CALR: variants seen among roughly 807,000 people sequenced by gnomAD.
CALR encodes the protein calreticulin, also known as CRP55.
CALR carries 15 observed loss-of-function variants against 51.1 expected under a neutral mutation model. That is an observed-to-expected ratio of 0.29 (90% confidence interval 0.20 to 0.45). The LOEUF (loss-of-function observed/expected upper bound fraction) is 0.45, where lower values mean the gene tolerates loss of function less well. CALR is among the 20% of genes least tolerant of loss of function. The pLI is 1.00. For missense variants in CALR, 477 were observed against 530.6 expected, an observed-to-expected ratio of 0.90 and a Z score of 0.99; for synonymous variants, 239 against 205.9, an observed-to-expected ratio of 1.16 and a Z score of -1.38.
At position 12,943,748 on chromosome 19, in the gene CALR, G is replaced by A. The variant is rs766065209; in HGVS notation, c.1089G>A (p.Glu363=). The A allele has an allele frequency of 8.2e-5, 132 of 1,612,714 alleles. No homozygotes were observed. Among genetic ancestry groups the A allele is most frequent in the Non-Finnish European group, 1.0e-4 (119 of 1,179,412 alleles). ...AEKQMKDKQD[E]EQRLKEEEED... ...AACAAATGAAGGACAAACAGGACGA[G>A]GAGCAGAGGCTTAAGGAGGAGGAAG... The change falls in exon 9 of 9, where the codon GAG becomes GAA. Residue 363 remains glutamate, a synonymous_variant. Transcript: ENST00000316448.
At chr19:12,939,036 C>T in intron 1 of CALR, 98 bp from the exon 2 acceptor site, 4 of 794,862 alleles carry the variant, frequency 5.0e-6, no homozygotes, top group South Asian at 1.5e-5. Context: ...CGGGGATCTC[C>T]TTTCCTGTCC....
chr19:12,942,860 G>GA, intron 7 of CALR, among the ~76,000 whole-genome samples: 1 of 151,302 alleles, frequency 6.6e-6, no homozygotes, highest in East Asian at 1.9e-4. Context: ...AGATTCAAGC[G>GA]ATTCTCCTGC....
chr19:12,944,060 C>A lies in CALR; in HGVS notation c.*147C>A. On this transcript the variant is annotated 3_prime_UTR_variant, in exon 9 of 9. Coordinates refer to ENST00000316448, the MANE Select transcript of CALR (RefSeq NM_004343.4). ...GGGTGGATTTTGGTTTTGTTCCCCT[C>A]CTCCACTCTCCCCCACCCCCTCCCC... The A allele has an allele frequency of 7.5e-7, 1 of 1,327,128 alleles. No homozygotes were observed. Among genetic ancestry groups the A allele is most frequent in the African/African-American group, 1.5e-5 (1 of 67,990 alleles). 82.2% of individuals were successfully genotyped at this position (1,327,128 alleles called of 1,614,324 possible).
chr19:12,939,993 G>T (rs1257529591), intron 3 of CALR, 60 bp from the exon 4 acceptor site: 21 of 1,192,234 alleles, frequency 1.8e-5, no homozygotes, highest in Non-Finnish European at 2.5e-5. Flanking sequence ...ATAAAGAGGG[G>T]TGAGAGCCTC....
At chr19:12,941,097 T>C (rs1289172571) in intron 7 of CALR, among the ~76,000 whole-genome samples, 2 of 152,152 alleles carry the variant, frequency 1.3e-5, no homozygotes, top group Non-Finnish European at 2.9e-5. Flanking sequence ...CCCCAAGTAC[T>C]TTTATGCAAA....
chr19:12,943,552 A>G lies in CALR; in HGVS notation c.976A>G (p.Ile326Val), dbSNP rs748221094. ...LDLWQVKSGT[I>V]FDNFLITNDE... ...CATCCTCCAGGTCAAGTCTGGCACC[A>G]TCTTTGACAACTTCCTCATCACCAA... The change falls in exon 8 of 9, where the codon ATC becomes GTC. Residue 326 changes from isoleucine to valine, a missense_variant. Ile to Val is a conservative substitution (Grantham distance 29). Coordinates refer to ENST00000316448, the MANE Select transcript of CALR (RefSeq NM_004343.4). 1 of 1,614,158 alleles carries G rather than the reference A, an allele frequency of 6.2e-7. No individual in the cohort carries two copies. The highest frequency in any genetic ancestry group is 2.2e-5 in the East Asian group (1 of 44,882).
chr19:12,938,878 T>C (rs2146011529), intron 1 of CALR, 108 bp downstream of exon 1: 1 of 915,796 alleles, frequency 1.1e-6, no homozygotes, highest in Non-Finnish European at 1.8e-6. Context: ...CACGGTGGCC[T>C]CCCGGGACTA....
rs1228790764 is a variant in CALR at position 12,939,448 on chromosome 19, G to A, written c.214G>A (p.Ala72Thr). 6.2e-7 allele frequency: 1 copy of A among 1,612,324 alleles called. No individual in the cohort carries two copies. Among genetic ancestry groups the A allele is most frequent in the Non-Finnish European group, 8.5e-7 (1 of 1,180,032 alleles). Residue 72 changes from alanine (A) to threonine (T), a missense_variant, in exon 3 of 9, where the codon GCA (alanine) becomes ACA (threonine). Coordinates refer to ENST00000316448, the MANE Select transcript of CALR (RefSeq NM_004343.4). ...CTCAGGTTTGCAGACAAGCCAGGAT[G>A]CACGCTTTTATGCTCTGTCGGCCAG... ...KDKGLQTSQD[A>T]RFYALSASFE...
chr19:12,938,994 C>A, intron 1 of CALR, 140 bp from the exon 2 acceptor site: 3 of 716,912 alleles, frequency 4.2e-6, no homozygotes, highest in South Asian at 1.6e-5. Context: ...AGGCACCCGA[C>A]GTGTCAAACT....
Position 12,944,385 on chromosome 19 carries a change from C to A in CALR, c.*472C>A. The A allele has an allele frequency of 4.2e-6, 1 of 240,072 alleles. No individual in the cohort carries two copies. Among genetic ancestry groups the A allele is most frequent in the Non-Finnish European group, 8.4e-6 (1 of 118,522 alleles). The allele number at this position is 240,072 out of a possible 1,614,324, so 14.9% of individuals were successfully genotyped here. A position where few individuals can be genotyped will look rare whatever the true frequency, so the allele number is the denominator to read the frequency against. Reference sequence around the variant, plus strand: ...TCACCCCTCCCTTTCTCCCCTGCCCCCAGGACTGGGCCACTTCTGGGTGGG... The same window carrying A: ...TCACCCCTCCCTTTCTCCCCTGCCCACAGGACTGGGCCACTTCTGGGTGGG... On this transcript the variant is annotated 3_prime_UTR_variant, in exon 9 of 9. Coordinates refer to ENST00000316448, the MANE Select transcript of CALR (RefSeq NM_004343.4).
At chr19:12,939,743 G>C in intron 3 of CALR, 112 bp downstream of exon 3, 1 of 906,834 alleles carries the variant, frequency 1.1e-6, no homozygotes, top group Non-Finnish European at 1.8e-6. Context: ...AAAAGAATAA[G>C]TCCCAGCAAC....
At position 12,943,761 on chromosome 19, in the gene CALR, AAGG is replaced by A; in HGVS notation, c.1110_1112del (p.Glu372del). ...CAAACAGGACGAGGAGCAGAGGCTT[AAGG>A]AGGAGGAAGAAGACAAGAAACGCAA... On this transcript the variant is annotated inframe_deletion, in exon 9 of 9. Transcript: ENST00000316448. 1 of 1,608,822 alleles carries A rather than the reference AAGG, an allele frequency of 6.2e-7. No homozygotes were observed. Among genetic ancestry groups the A allele is most frequent in the Non-Finnish European group, 8.5e-7 (1 of 1,177,332 alleles).
At chr19:12,939,004 TAG>T in intron 1 of CALR, 128 bp from the exon 2 acceptor site, 1 of 730,362 alleles carries the variant, frequency 1.4e-6, no homozygotes, top group Non-Finnish European at 2.5e-6. Context: ...CGTGTCAAAC[TAG>T]AGGTTGGAAT....
chr19:12,943,411 GTTCC>G, intron 7 of CALR, 122 bp from the exon 8 acceptor site: 1 of 841,306 alleles, frequency 1.2e-6, no homozygotes, highest in South Asian at 1.4e-5. Flanking sequence ...TGTCAGCGGT[GTTCC>G]TTGTCTTCTC....
At chr19:12,942,198 G>A (rs905824233) in intron 7 of CALR, among the ~76,000 whole-genome samples, 1 of 151,754 alleles carries the variant, frequency 6.6e-6, no homozygotes, top group Non-Finnish European at 1.5e-5. Context: ...CCCATCTCTA[G>A]TAAAAATACA....
intron 7 of CALR, 190 bp from the exon 8 acceptor site, chr19:12,943,347 G>C: frequency 1.6e-6 from 1 of 636,902 alleles, no homozygotes; most frequent in Non-Finnish European, 2.8e-6. Context: ...GCCTCTGGGC[G>C]AGGATTACAG....
At chr19:12,943,443 G>GAATAT in intron 7 of CALR, 94 bp from the exon 8 acceptor site, 1 of 1,074,528 alleles carries the variant, frequency 9.3e-7, no homozygotes, top group South Asian at 1.3e-5. Flanking sequence ...GCAGGCAGCA[G>GAATAT]AATATAGTGG....
Position 12,940,354 on chromosome 19 carries a change from T to C in CALR, c.604T>C (p.Phe202Leu), listed in dbSNP as rs1371727784. ...CGGCTCCTTGGAAGACGATTGGGAC[T>C]TCCTGCCACCCAAGAAGATAAAGGA... The part of the protein sequence containing the change: ...ESGSLEDDWD[F>L]LPPKKIKDPD... The change falls in exon 5 of 9, where the codon TTC becomes CTC. Residue 202 changes from phenylalanine (F) to leucine (L), a missense_variant. By Grantham distance (22) the Phe-to-Leu change is conservative. Transcript: ENST00000316448. 1.9e-6 allele frequency: 3 copies of C among 1,614,200 alleles called. No homozygotes were observed. Among genetic ancestry groups the C allele is most frequent in the South Asian group, 1.1e-5 (1 of 91,080 alleles).
Position 12,943,830 on chromosome 19 carries a change from AAAGATG to A in CALR, c.1173_1178del (p.Asp394_Glu395del). On this transcript the variant is annotated inframe_deletion, in exon 9 of 9. Transcript: ENST00000316448. ...AGAGGACAAGGAGGATGATGAGGAC[AAAGATG>A]AGGATGAGGAGGATGAGGAGGACAA... 6.3e-7 allele frequency: 1 copy of A among 1,580,404 alleles called. No individual in the cohort carries two copies. Among genetic ancestry groups the A allele is most frequent in the Non-Finnish European group, 8.6e-7 (1 of 1,162,862 alleles).
Sources: gnomAD v4.1 joint callset for allele counts (sites outside exome capture counted in the v4.1 genomes callset) on GRCh38, gnomAD v4.1.1 for gene constraint, MANE v1.5 for transcripts, NCBI Gene and HGNC (gene_info 2026-07-23, HGNC 2026-07-21) for gene names.